LOC128462377: variants seen among roughly 807,000 people sequenced by gnomAD.
chr16:89,378,115 C>T, the LOC128462377 span, among the ~76,000 whole-genome samples: 6 of 152,130 alleles, frequency 3.9e-5, no homozygotes, highest in East Asian at 9.6e-4. Flanking sequence ...ACTGGGAGGC[C>T]GAGGCGGAAG....
At chr16:89,407,660 A>AAC in the LOC128462377 span, among the ~76,000 whole-genome samples, 3 of 151,126 alleles carry the variant, frequency 2.0e-5, no homozygotes, top group Non-Finnish European at 4.4e-5. Context: ...GTCTCTATCA[A>AAC]ACACACATAC....
the LOC128462377 span, among the ~76,000 whole-genome samples, chr16:89,366,784 C>T: frequency 6.6e-6 from 1 of 152,230 alleles, no homozygotes. Flanking sequence ...GTCCCACTTC[C>T]GGGGGCACCC....
At chr16:89,386,591 G>C in the LOC128462377 span, among the ~76,000 whole-genome samples, 160 of 152,324 alleles carry the variant, frequency 1.1e-3, 2 homozygotes, top group Non-Finnish European at 1.4e-3. Flanking sequence ...GCGGGGAGGA[G>C]TGTATCCAAA....
the LOC128462377 span, among the ~76,000 whole-genome samples, chr16:89,329,209 G>A: frequency 2.6e-5 from 4 of 152,226 alleles, no homozygotes; most frequent in Non-Finnish European, 2.9e-5. Flanking sequence ...CATGTCTGTC[G>A]GTGGCTGTCG....
At chr16:89,394,840 C>T in the LOC128462377 span, among the ~76,000 whole-genome samples, 4 of 152,214 alleles carry the variant, frequency 2.6e-5, no homozygotes, top group East Asian at 3.9e-4. Flanking sequence ...ATTTTTCAAA[C>T]GTCCAGACTC....
At chr16:89,407,440 G>A in the LOC128462377 span, among the ~76,000 whole-genome samples, 1 of 152,218 alleles carries the variant, frequency 6.6e-6, no homozygotes, top group South Asian at 2.1e-4. Context: ...AGCATTTCCT[G>A]CCAGCAGGGC....
chr16:89,354,699 C>T, the LOC128462377 span, among the ~76,000 whole-genome samples: 11 of 152,156 alleles, frequency 7.2e-5, no homozygotes, highest in Non-Finnish European at 1.3e-4. Flanking sequence ...CTGGCTAACA[C>T]GGTGAAACCA....
At chr16:89,403,628 G>T in the LOC128462377 span, 1 of 152,226 alleles carries the variant, frequency 6.6e-6, no homozygotes, top group African/African-American at 2.4e-5. Context: ...CCCCGGGAAG[G>T]GATTTCAAAA....
At chr16:89,370,954 G>A in the LOC128462377 span, among the ~76,000 whole-genome samples, 1 of 152,034 alleles carries the variant, frequency 6.6e-6, no homozygotes, top group Non-Finnish European at 1.5e-5. Context: ...CAAGCCCTGC[G>A]GACACCACGA....
At chr16:89,415,792 C>T in the LOC128462377 span, among the ~76,000 whole-genome samples, 1 of 129,796 alleles carries the variant, frequency 7.7e-6, no homozygotes, top group Non-Finnish European at 1.6e-5. Context: ...TGCACCACTA[C>T]ACTCCAGGCC....
chr16:89,396,127 G>C, the LOC128462377 span: 1 of 152,230 alleles, frequency 6.6e-6, no homozygotes, highest in Non-Finnish European at 1.5e-5. Context: ...TTGTCAATGT[G>C]AAAATTCAAG....
the LOC128462377 span, among the ~76,000 whole-genome samples, chr16:89,375,493 CTT>C: frequency 4.6e-5 from 7 of 151,610 alleles, no homozygotes; most frequent in East Asian, 1.9e-4. Flanking sequence ...GAGTTTCACT[CTT>C]GTCGCCCGGG....
the LOC128462377 span, among the ~76,000 whole-genome samples, chr16:89,384,879 C>CTTTTTATTTTTTTTTTTTTTTTT: frequency 2.0e-5 from 1 of 49,910 alleles, no homozygotes; most frequent in Non-Finnish European, 3.5e-5. Flanking sequence ...AAATAGTTTT[C>CTTTTTATTTTTTTTTTTTTTTTT]TTTTTTTTTT....
At chr16:89,390,041 G>A in the LOC128462377 span, among the ~76,000 whole-genome samples, 1 of 80,540 alleles carries the variant, frequency 1.2e-5, no homozygotes, top group Non-Finnish European at 2.3e-5. Context: ...GGGGAGCACC[G>A]AGAGAAAGAA....
the LOC128462377 span, among the ~76,000 whole-genome samples, chr16:89,380,151 C>T: frequency 1.3e-5 from 2 of 152,142 alleles, no homozygotes; most frequent in African/African-American, 2.4e-5. Context: ...CTCATTCTGT[C>T]ACCCAGGCTG....
chr16:89,360,624 A>G, the LOC128462377 span: 1 of 152,226 alleles, frequency 6.6e-6, no homozygotes, highest in Non-Finnish European at 1.5e-5. Flanking sequence ...AAGCCAGTGC[A>G]CCTGAGATGA....
the LOC128462377 span, among the ~76,000 whole-genome samples, chr16:89,397,075 CTGT>C: frequency 6.6e-6 from 1 of 151,800 alleles, no homozygotes; most frequent in African/African-American, 2.4e-5. Context: ...CTTATTATTC[CTGT>C]TGTTAATTGG....
the LOC128462377 span, among the ~76,000 whole-genome samples, chr16:89,388,266 G>A: frequency 6.8e-6 from 1 of 147,520 alleles, no homozygotes; most frequent in Non-Finnish European, 1.5e-5. Flanking sequence ...GGGTGGTGCC[G>A]GGTGCTCTCT....
the LOC128462377 span, among the ~76,000 whole-genome samples, chr16:89,404,659 G>A: frequency 6.6e-6 from 1 of 152,214 alleles, no homozygotes; most frequent in South Asian, 2.1e-4. Flanking sequence ...TCCTGAGGGC[G>A]AGAAACTCTG....
Sources: gnomAD v4.1 joint callset for allele counts (sites outside exome capture counted in the v4.1 genomes callset) on GRCh38, gnomAD v4.1.1 for gene constraint, MANE v1.5 for transcripts.